The following PHF21A variants were observed in gnomAD, a reference collection of about 807,000 sequenced individuals.
The protein encoded by PHF21A is BHC80a.
In PHF21A, 11 loss-of-function variants were observed where a neutral mutation model predicts 82.5. That is an observed-to-expected ratio of 0.13 (90% confidence interval 0.08 to 0.22). The LOEUF (loss-of-function observed/expected upper bound fraction) is 0.22. Ranked by LOEUF, PHF21A falls within the 10% of genes least tolerant of loss-of-function variation. The pLI is 1.00. For synonymous variants in PHF21A, 297 were observed against 302.8 expected (o/e 0.98, Z 0.20); for missense variants, 579 against 837.8 (o/e 0.69, Z 3.81).
chr11:45,938,034 G>A, intron 16 of PHF21A, 123 bp downstream of exon 16: 1 of 791,026 alleles, frequency 1.3e-6, no homozygotes, highest in Non-Finnish European at 2.0e-6. Context: ...AAACAGGGAA[G>A]ATGCAGCCCG....
chr11:45,996,547 C>T (rs1268079757), intron 6 of PHF21A, among the ~76,000 whole-genome samples: 1 of 152,176 alleles, frequency 6.6e-6, no homozygotes, highest in East Asian at 1.9e-4. Context: ...ATTAATAATG[C>T]ATTCTCCTGG....
chr11:46,098,330 T>C (rs553312183), intron 1 of PHF21A, among the ~76,000 whole-genome samples: 2 of 152,332 alleles, frequency 1.3e-5, no homozygotes. Context: ...TTAACTTCTA[T>C]ATGCTTGAAA....
chr11:46,096,236 C>T (rs990956748), intron 1 of PHF21A, among the ~76,000 whole-genome samples: 2 of 151,872 alleles, frequency 1.3e-5, no homozygotes, highest in African/African-American at 4.8e-5. Flanking sequence ...CATCAATTTT[C>T]CCCTCATCAT....
At chr11:46,108,567 G>GTATATATATATATA (rs146891624) in intron 1 of PHF21A, among the ~76,000 whole-genome samples, 26 of 62,230 alleles carry the variant, frequency 4.2e-4, no homozygotes, top group Middle Eastern at 0.012. Flanking sequence ...GTGTGTGTGT[G>GTATATATATATATA]TATATATATA....
chr11:46,019,445 G>A (rs1184176272), intron 6 of PHF21A, among the ~76,000 whole-genome samples: 1 of 152,130 alleles, frequency 6.6e-6, no homozygotes, highest in East Asian at 1.9e-4. Context: ...AATGAACCAG[G>A]TCCACACAGC....
At chr11:45,998,971 C>T (rs2095018752) in intron 6 of PHF21A, among the ~76,000 whole-genome samples, 1 of 152,016 alleles carries the variant, frequency 6.6e-6, no homozygotes, top group African/African-American at 2.4e-5. Context: ...GGATTACAGG[C>T]ACCTGCCACC....
intron 1 of PHF21A, among the ~76,000 whole-genome samples, chr11:46,114,513 A>G (rs2097263826): frequency 6.6e-6 from 1 of 152,204 alleles, no homozygotes; most frequent in Admixed American, 6.5e-5. Context: ...ATGCTACTAC[A>G]TTTCACCATA....
At chr11:46,094,002 G>A (rs2096959730) in intron 1 of PHF21A, among the ~76,000 whole-genome samples, 1 of 152,082 alleles carries the variant, frequency 6.6e-6, no homozygotes, top group South Asian at 2.1e-4. Flanking sequence ...ACACCATTAA[G>A]AAAGTGAAAA....
intron 6 of PHF21A, among the ~76,000 whole-genome samples, chr11:46,036,999 C>A (rs1384045895): frequency 6.6e-6 from 1 of 152,194 alleles, no homozygotes; most frequent in African/African-American, 2.4e-5. Context: ...GCAAAAGCCA[C>A]TGCACCTGGC....
intron 6 of PHF21A, 92 bp downstream of exon 6, chr11:46,076,660 CAT>C (rs2096729238): frequency 2.1e-6 from 2 of 951,462 alleles, no homozygotes; most frequent in African/African-American, 1.6e-5. Context: ...TATTTTCACA[CAT>C]GAGGAAAAAT....
intron 6 of PHF21A, among the ~76,000 whole-genome samples, chr11:46,029,877 GATAAGA>G (rs1460681079): frequency 6.6e-6 from 1 of 152,138 alleles, no homozygotes; most frequent in African/African-American, 2.4e-5. Context: ...CATAGAAGAA[GATAAGA>G]ATGTGAATCC....
chr11:46,027,718 C>T (rs2095779527), intron 6 of PHF21A, among the ~76,000 whole-genome samples: 1 of 152,170 alleles, frequency 6.6e-6, no homozygotes, highest in Non-Finnish European at 1.5e-5. Flanking sequence ...CCTATTGTTC[C>T]CATATGGAAA....
intron 6 of PHF21A, among the ~76,000 whole-genome samples, chr11:46,073,514 T>C (rs1022958432): frequency 2.6e-5 from 4 of 152,190 alleles, no homozygotes; most frequent in Non-Finnish European, 5.9e-5. Context: ...TAATTTATTG[T>C]GGAGCATTTA....
chr11:45,993,666 G>T (rs994631159), intron 6 of PHF21A, among the ~76,000 whole-genome samples: 6 of 151,692 alleles, frequency 4.0e-5, no homozygotes, highest in Non-Finnish European at 7.4e-5. Context: ...AACAGGGAGA[G>T]ATGTCCCTTT....
chr11:46,035,856 T>C (rs1036857683), intron 6 of PHF21A, among the ~76,000 whole-genome samples: 13 of 152,262 alleles, frequency 8.5e-5, no homozygotes, highest in East Asian at 7.7e-4. Context: ...TAGGTATGTA[T>C]CACACAAATT....
Position 45,932,115 on chromosome 11 carries a change from C to A in PHF21A, c.*1853G>T, listed in dbSNP as rs2087699963. 6.7e-6 allele frequency: 1 copy of A among 148,960 alleles called. No homozygotes were observed. Among genetic ancestry groups the A allele is most frequent in the Non-Finnish European group, 1.5e-5 (1 of 67,418 alleles). The allele number at this position is 148,960 out of a possible 1,614,324, so 9.2% of individuals were successfully genotyped here. ...CGTACCCTCAAAACATGTCACTCCTCCTCTGTTCTAAGCACCAAGGGCTGA... is the reference window on the plus strand; with the variant it reads ...CGTACCCTCAAAACATGTCACTCCTACTCTGTTCTAAGCACCAAGGGCTGA... On this transcript the variant is annotated 3_prime_UTR_variant, in exon 19 of 19. Transcript: ENST00000676320. The surrounding 1 kb of genome is among the most constrained non-coding windows in gnomAD (Gnocchi z 4.3).
intron 14 of PHF21A, among the ~76,000 whole-genome samples, chr11:45,947,753 G>A (rs2091504495): frequency 6.6e-6 from 1 of 151,586 alleles, no homozygotes; most frequent in Non-Finnish European, 1.5e-5. Flanking sequence ...CTGCATCAGG[G>A]GTCACTAAAA....
At chr11:46,063,462 C>G (rs905573659) in intron 6 of PHF21A, among the ~76,000 whole-genome samples, 5 of 152,194 alleles carry the variant, frequency 3.3e-5, no homozygotes, top group Admixed American at 6.5e-5. Flanking sequence ...CAAAAGCAGT[C>G]AGTCATAGAG....
intron 6 of PHF21A, among the ~76,000 whole-genome samples, chr11:45,984,584 A>C (rs1448841825): frequency 6.6e-6 from 1 of 152,268 alleles, no homozygotes; most frequent in Non-Finnish European, 1.5e-5. Context: ...ACAGAAAATC[A>C]GGTTCGTTTT....
Sources: allele counts gnomAD v4.1 joint callset (sites outside exome capture counted in the v4.1 genomes callset), GRCh38; gene constraint gnomAD v4.1.1; non-coding constraint Gnocchi (gnomAD v3.1); transcripts MANE v1.5; gene names NCBI Gene and HGNC (gene_info 2026-07-23, HGNC 2026-07-21).